The following IKBKE variants were observed in gnomAD, a reference collection of about 807,000 sequenced individuals.
The protein encoded by IKBKE is inhibitor of nuclear factor kappa-B kinase subunit epsilon.
A neutral mutation model predicts 92.1 loss-of-function variants in IKBKE; 45 were observed. The observed-to-expected ratio is 0.49, with a 90% CI of 0.38 to 0.63. IKBKE has a LOEUF of 0.63. Among genes scored for constraint, IKBKE ranks in the 20% least tolerant of loss-of-function variants. The probability of loss-of-function intolerance (pLI) is 0.00; values close to 1 mark genes in which losing one functional copy is unlikely to be tolerated. For synonymous variants in IKBKE, 374 were observed against 380.3 expected (o/e 0.98, Z 0.19); for missense variants, 700 against 932.8 (o/e 0.75, Z 3.25).
At chr1:206,481,763 AG>A (rs1665403841) in intron 13 of IKBKE, among the ~76,000 whole-genome samples, 2 of 73,242 alleles carry the variant, frequency 2.7e-5, no homozygotes, top group Non-Finnish European at 5.4e-5. Context: ...CTGAAGGATG[AG>A]GCTTTTTTTT....
rs1664990707 is a variant in IKBKE, at chr1:206,475,136, C to T, written c.358+142C>T. 2.1e-5 allele frequency: 18 copies of T among 838,486 alleles called. No homozygotes were observed. The South Asian group carries it at 3.2e-4, about 15-fold the overall frequency. The allele number at this position is 838,486 out of a possible 1,614,324, so 51.9% of individuals were successfully genotyped here. On this transcript the variant is annotated intron_variant, in intron 5 of 21. Coordinates refer to ENST00000581977, the MANE Select transcript of IKBKE (RefSeq NM_014002.4). The stretch of plus-strand genomic sequence containing the variant: ...AAAATTAAACCTAAAAAAGATTGTA[C>T]ACCAATGTTCACAGCAGCATTATTT...
intron 4 of IKBKE, 195 bp from the exon 5 acceptor site, chr1:206,474,670 T>G: frequency 1.3e-6 from 1 of 798,656 alleles, no homozygotes; most frequent in Non-Finnish European, 1.9e-6. Flanking sequence ...AATCAGTACC[T>G]AAGCAGAGGG....
chr1:206,487,145 G>A lies in IKBKE; in HGVS notation c.1617-769G>A, dbSNP rs982817090. 3.3e-5 allele frequency among the ~76,000 whole-genome samples: 5 copies of A among 152,250 alleles called. No homozygotes were observed. On this transcript the variant is annotated intron_variant, in intron 15 of 21. Transcript: ENST00000581977. The surrounding 1 kb of genome is among the most constrained non-coding windows in gnomAD (Gnocchi z 5.3). ...GTGCTCTGTTCAGAGTCAAGCTCCA[G>A]AAATAGCAGAGATGGGGTCACTTGG... is the stretch of plus-strand genomic sequence containing the variant.
At position 206,496,283 on chromosome 1, in the gene IKBKE, C is replaced by T; in HGVS notation, c.*138C>T. The T allele has an allele frequency of 2.8e-6, 2 of 726,694 alleles. No individual in the cohort carries two copies. Among genetic ancestry groups the T allele is most frequent in the East Asian group, 2.6e-5 (1 of 38,514 alleles). The allele number at this position is 726,694 out of a possible 1,614,324, so 45.0% of individuals were successfully genotyped here. On this transcript the variant is annotated 3_prime_UTR_variant, in exon 22 of 22. Coordinates refer to ENST00000581977, the MANE Select transcript of IKBKE (RefSeq NM_014002.4). ...CCCTCCTGGCTGCTGGCCAGGATGT[C>T]GCCAGCATTACCTTCCACTGCCTTT...
At chr1:206,473,897 G>T (rs1664911486) in intron 3 of IKBKE, among the ~76,000 whole-genome samples, 1 of 145,464 alleles carries the variant, frequency 6.9e-6, no homozygotes, top group African/African-American at 2.5e-5. Context: ...GGAGGCAGAG[G>T]TTGCAGTGAG....
In IKBKE at chr1:206,487,615, C is replaced by T. The variant is rs1217541315; in HGVS notation, c.1617-299C>T. 1.3e-5 allele frequency among the ~76,000 whole-genome samples: 2 copies of T among 152,150 alleles called. No homozygotes were observed. Among genetic ancestry groups the T allele is most frequent in the Non-Finnish European group, 2.9e-5 (2 of 68,030 alleles). Reference sequence around the variant, plus strand: ...ACAACTTCTCAGGTAGTAAAGGCCACGTTCCTGTTGCCCGTCCTGCTTGGC... The same window carrying T: ...ACAACTTCTCAGGTAGTAAAGGCCATGTTCCTGTTGCCCGTCCTGCTTGGC... On this transcript the variant is annotated intron_variant, in intron 15 of 21. Transcript: ENST00000581977. This position sits in a 1 kb window ranked among gnomAD's most constrained non-coding sequence, Gnocchi z 5.3.
In IKBKE at chr1:206,476,437, T is replaced by A; in HGVS notation, c.540+75T>A. Reference sequence around the variant, plus strand: ...CCTTGTGAGCCCCCCAGAGCCCCCATGAGGGGGTGTGGCCCACCTCCTGCT... The same window carrying A: ...CCTTGTGAGCCCCCCAGAGCCCCCAAGAGGGGGTGTGGCCCACCTCCTGCT... On this transcript the variant is annotated intron_variant, in intron 6 of 21. Coordinates refer to ENST00000581977, the MANE Select transcript of IKBKE (RefSeq NM_014002.4). The surrounding 1 kb of genome is among the most constrained non-coding windows in gnomAD (Gnocchi z 5.1). The A allele has an allele frequency of 6.9e-7, 1 of 1,457,404 alleles. No homozygotes were observed. 90.3% of individuals were successfully genotyped at this position (1,457,404 alleles called of 1,614,324 possible). A position where few individuals can be genotyped will look rare whatever the true frequency, so the allele number is the denominator to read the frequency against.
At chr1:206,493,405 G>A (rs2103485799) in intron 20 of IKBKE, 27 bp downstream of exon 20, 2 of 1,523,942 alleles carry the variant, frequency 1.3e-6, no homozygotes, top group Non-Finnish European at 1.8e-6. Context: ...AAGCGGTTGT[G>A]TATCTGTGTG....
At position 206,493,124 on chromosome 1, in the gene IKBKE, G is replaced by A; in HGVS notation, c.1932+5G>A. On this transcript the variant is annotated splice_donor_5th_base_variant and intron_variant, in intron 19 of 21. Transcript: ENST00000581977. ...GTCCAGGAGAGTCTCAGCAAGGTGG[G>A]CATGGCAGAAGGATTCTAGGTGCTC... 1 of 1,587,298 alleles carries A rather than the reference G, an allele frequency of 6.3e-7. No homozygotes were observed. The highest frequency in any genetic ancestry group is 8.6e-7 in the Non-Finnish European group (1 of 1,167,822).
At chr1:206,492,272 G>T (rs1665982947) in intron 18 of IKBKE, 1 of 371,074 alleles carries the variant, frequency 2.7e-6, no homozygotes, top group Non-Finnish European at 5.5e-6. Context: ...GGAGTTTTGG[G>T]TTCCGCCTTC....
Position 206,485,158 on chromosome 1 carries a change from G to A in IKBKE, c.1504-36G>A, listed in dbSNP as rs2103472010. 6.3e-7 allele frequency: 1 copy of A among 1,591,940 alleles called. No individual in the cohort carries two copies. Among genetic ancestry groups the A allele is most frequent in the Non-Finnish European group, 8.6e-7 (1 of 1,159,778 alleles). On this transcript the variant is annotated intron_variant, in intron 14 of 21. Coordinates refer to ENST00000581977, the MANE Select transcript of IKBKE (RefSeq NM_014002.4). The surrounding 1 kb of genome is among the most constrained non-coding windows in gnomAD (Gnocchi z 5.0). ...CAGCCTGCCCACCAGTGCCCAGGCT[G>A]AAGACCCCACGGGGGTCTGCCTTTG...
chr1:206,480,607 C>A, intron 13 of IKBKE, 74 bp downstream of exon 13: 3 of 1,013,046 alleles, frequency 3.0e-6, no homozygotes, highest in Non-Finnish European at 4.3e-6. Context: ...ATACTTCCAA[C>A]AATGCACCTC....
chr1:206,484,875 C>G, intron 13 of IKBKE, 122 bp from the exon 14 acceptor site: 2 of 765,620 alleles, frequency 2.6e-6, no homozygotes, highest in Non-Finnish European at 4.5e-6. Flanking sequence ...CCCAGAGACC[C>G]GGAGAGCCAC....
rs782088895 is a variant in IKBKE at position 206,474,480 on chromosome 1, G to A, written c.228+9G>A. 19 of 1,609,988 alleles carry A rather than the reference G, an allele frequency of 1.2e-5. No individual in the cohort carries two copies. Among genetic ancestry groups the A allele is most frequent in the East Asian group, 2.2e-5 (1 of 44,816 alleles). On this transcript the variant is annotated intron_variant, in intron 4 of 21. Transcript: ENST00000581977. ...TTGCGGTGGAGGAGACGGTAGGTCCGGTGCTTGGTCAGAGAATGGTCTTGT... is the reference window on the plus strand; with the variant it reads ...TTGCGGTGGAGGAGACGGTAGGTCCAGTGCTTGGTCAGAGAATGGTCTTGT...
chr1:206,471,032 G>A (rs1553383725), intron 1 of IKBKE, 124 bp from the exon 2 acceptor site: 1 of 152,296 alleles, frequency 6.6e-6, no homozygotes, highest in Non-Finnish European at 1.5e-5. Context: ...CCCCAGCCCA[G>A]CCCTGTGGGG....
In IKBKE at chr1:206,476,490, A is replaced by T; in HGVS notation, c.540+128A>T. On this transcript the variant is annotated intron_variant, in intron 6 of 21. Transcript: ENST00000581977. This position sits in a 1 kb window ranked among gnomAD's most constrained non-coding sequence, Gnocchi z 5.1. ...CACAGGAGTTATGTCTCTCCCCTGTACCCCAACCAGAAGAATGCATTCTGT... is the reference window on the plus strand; with the variant it reads ...CACAGGAGTTATGTCTCTCCCCTGTTCCCCAACCAGAAGAATGCATTCTGT... 1 of 1,142,222 alleles carries T rather than the reference A, an allele frequency of 8.8e-7. No individual in the cohort carries two copies. Among genetic ancestry groups the T allele is most frequent in the Non-Finnish European group, 1.3e-6 (1 of 789,818 alleles). 70.8% of individuals were successfully genotyped at this position (1,142,222 alleles called of 1,614,324 possible).
Position 206,480,054 on chromosome 1 carries a change from G to A in IKBKE, c.1281G>A (p.Arg427=). ...TGGGCGCCGGCTACCAGGCCCTGCG[G>A]CTGGCACGGGCCCTGCTGGATGGGC... ...GVLGAGYQAL[R]LARALLDGQE... The change falls in exon 12 of 22, where the codon CGG becomes CGA. Residue 427 remains arginine, a synonymous_variant. Transcript: ENST00000581977. The A allele has an allele frequency of 1.2e-6, 2 of 1,605,314 alleles. No individual in the cohort carries two copies. Among genetic ancestry groups the A allele is most frequent in the African/African-American group, 1.3e-5 (1 of 74,606 alleles).
intron 2 of IKBKE, among the ~76,000 whole-genome samples, chr1:206,472,609 ACACT>A (rs1664839056): frequency 6.6e-6 from 1 of 151,810 alleles, no homozygotes; most frequent in Non-Finnish European, 1.5e-5. Context: ...ACACACACAC[ACACT>A]CTGAAGCAGC....
In IKBKE at chr1:206,476,813, G is replaced by A. The variant is rs1553385480; in HGVS notation, c.676G>A (p.Gly226Arg). The A allele has an allele frequency of 6.2e-7, 1 of 1,614,220 alleles. No individual in the cohort carries two copies. The highest frequency in any genetic ancestry group is 1.7e-5 in the Admixed American group (1 of 60,028). The change falls in exon 7 of 22, where the codon GGG (glycine) becomes AGG (arginine). Residue 226 changes from glycine to arginine, a missense_variant. Gly to Arg is a moderately radical substitution (Grantham distance 125). Coordinates refer to ENST00000581977, the MANE Select transcript of IKBKE (RefSeq NM_014002.4). The surrounding 1 kb of genome is among the most constrained non-coding windows in gnomAD (Gnocchi z 5.1). ...CAGCCTGCCCTTCATCCCCTTTGGTGGGCCACGGCGGAACAAGGAGATCAT... is the reference window on the plus strand; with the variant it reads ...CAGCCTGCCCTTCATCCCCTTTGGTAGGCCACGGCGGAACAAGGAGATCAT... ...TGSLPFIPFG[G>R]PRRNKEIMYR...
Sources: allele counts gnomAD v4.1 joint callset (sites outside exome capture counted in the v4.1 genomes callset), GRCh38; gene constraint gnomAD v4.1.1; non-coding constraint Gnocchi (gnomAD v3.1); transcripts MANE v1.5; gene names NCBI Gene and HGNC (gene_info 2026-07-23, HGNC 2026-07-21).